Variants in NXPH1 observed in about 807,000 individuals in gnomAD.
NXPH1 encodes the protein neurexophilin 1.
A neutral mutation model predicts 23.7 loss-of-function variants in NXPH1; 5 were observed. That is an observed-to-expected ratio of 0.21 (90% CI 0.11 to 0.44). NXPH1 has a LOEUF of 0.44. NXPH1 is among the 20% of genes least tolerant of loss of function. The pLI is 0.99. For missense variants in NXPH1, 324 were observed against 321.6 expected, an observed-to-expected ratio of 1.01 and a Z score of -0.06; for synonymous variants, 144 against 122.2, an observed-to-expected ratio of 1.18 and a Z score of -1.18.
intron 2 of NXPH1, among the ~76,000 whole-genome samples, chr7:8,528,872 A>T (rs1817906813): frequency 6.6e-6 from 1 of 152,236 alleles, no homozygotes; most frequent in South Asian, 2.1e-4. Context: ...GTTTAAAACA[A>T]CACATATTTG....
intron 2 of NXPH1, among the ~76,000 whole-genome samples, chr7:8,446,728 G>A (rs918749189): frequency 4.0e-5 from 6 of 151,846 alleles, no homozygotes; most frequent in African/African-American, 1.5e-4. Flanking sequence ...TCTAAGAAAT[G>A]CCATAAATTC....
intron 2 of NXPH1, among the ~76,000 whole-genome samples, chr7:8,620,151 C>T (rs745662815): frequency 5.7e-5 from 8 of 139,614 alleles, no homozygotes; most frequent in Non-Finnish European, 9.2e-5. Flanking sequence ...CTGTGTACCT[C>T]GACATTGAAA....
At chr7:8,633,634 G>T (rs1583207288) in intron 2 of NXPH1, among the ~76,000 whole-genome samples, 1 of 152,052 alleles carries the variant, frequency 6.6e-6, no homozygotes, top group African/African-American at 2.4e-5. Flanking sequence ...CACTCAACAG[G>T]ATGTTTAGTA....
chr7:8,541,906 T>G (rs1248335267), intron 2 of NXPH1, among the ~76,000 whole-genome samples: 1 of 151,524 alleles, frequency 6.6e-6, no homozygotes, highest in Non-Finnish European at 1.5e-5. Context: ...AATATTTAGT[T>G]AATCCAAAAT....
chr7:8,499,137 G>A (rs1200133871), intron 2 of NXPH1, among the ~76,000 whole-genome samples: 4 of 152,036 alleles, frequency 2.6e-5, no homozygotes, highest in Non-Finnish European at 5.9e-5. Context: ...TTTGAGCTGT[G>A]CCAGTGGAGA....
At chr7:8,542,947 G>A (rs762601942) in intron 2 of NXPH1, among the ~76,000 whole-genome samples, 10 of 151,644 alleles carry the variant, frequency 6.6e-5, no homozygotes, top group South Asian at 2.1e-4. Context: ...AATGCATAGC[G>A]TAATTTTATT....
rs1418926716 is a variant in NXPH1, at chr7:8,519,503, G to C, written c.54+83736G>C. On this transcript the variant is annotated intron_variant, in intron 2 of 2. Transcript: ENST00000405863. ...TAAACTGAAGATACACTTAAACTAA[G>C]GGATTCCAAGGAAATAAAAGGACTA... Among the ~76,000 whole-genome samples the C allele has an allele frequency of 2.0e-5, 3 of 152,138 alleles. No homozygotes were observed. The East Asian group carries it at 5.8e-4, about 29-fold the overall frequency.
At chr7:8,639,479 T>C (rs948115049) in intron 2 of NXPH1, among the ~76,000 whole-genome samples, 1 of 152,198 alleles carries the variant, frequency 6.6e-6, no homozygotes, top group Admixed American at 6.5e-5. Flanking sequence ...AAAAAGGCTG[T>C]TTCTCTATAT....
chr7:8,605,376 C>T (rs1819462589), intron 2 of NXPH1, among the ~76,000 whole-genome samples: 1 of 152,114 alleles, frequency 6.6e-6, no homozygotes, highest in Non-Finnish European at 1.5e-5. Flanking sequence ...ACTGGGTAAT[C>T]ACAGTAAATA....
At chr7:8,519,774 C>T (rs981226650) in intron 2 of NXPH1, among the ~76,000 whole-genome samples, 3 of 152,020 alleles carry the variant, frequency 2.0e-5, no homozygotes, top group African/African-American at 7.2e-5. Context: ...CAAACAAAAG[C>T]TTATTGAATT....
chr7:8,559,498 T>C (rs1373216415), intron 2 of NXPH1, among the ~76,000 whole-genome samples: 1 of 151,702 alleles, frequency 6.6e-6, no homozygotes, highest in Non-Finnish European at 1.5e-5. Flanking sequence ...TTTTGGTTCC[T>C]ATTTTCTCCC....
At chr7:8,563,353 G>T (rs1818481266) in intron 2 of NXPH1, among the ~76,000 whole-genome samples, 1 of 151,746 alleles carries the variant, frequency 6.6e-6, no homozygotes, top group Admixed American at 6.6e-5. Flanking sequence ...CATTGTGTCT[G>T]AATTCTTAGA....
At chr7:8,440,027 GGC>G (rs1383817719) in intron 2 of NXPH1, among the ~76,000 whole-genome samples, 2 of 152,180 alleles carry the variant, frequency 1.3e-5, no homozygotes, top group African/African-American at 4.8e-5. Flanking sequence ...AGTTCTTGGA[GGC>G]AGTACTAAAA....
intron 2 of NXPH1, among the ~76,000 whole-genome samples, chr7:8,725,487 C>A (rs1314469484): frequency 1.3e-4 from 16 of 127,740 alleles, no homozygotes; most frequent in Non-Finnish European, 2.3e-4. Context: ...GAGATTCTGT[C>A]TCAAAAAAAA....
intron 2 of NXPH1, among the ~76,000 whole-genome samples, chr7:8,614,950 T>C (rs745360567): frequency 6.6e-5 from 10 of 152,046 alleles, no homozygotes; most frequent in Non-Finnish European, 1.3e-4. Flanking sequence ...TTTTAAATGG[T>C]GTTTGAGATT....
intron 2 of NXPH1, among the ~76,000 whole-genome samples, chr7:8,516,474 G>A (rs932729613): frequency 5.9e-5 from 9 of 152,114 alleles, no homozygotes; most frequent in African/African-American, 2.2e-4. Flanking sequence ...TTGCTGATTA[G>A]GAATTAAATT....
chr7:8,650,900 A>G (rs1820480267), intron 2 of NXPH1, among the ~76,000 whole-genome samples: 1 of 152,242 alleles, frequency 6.6e-6, no homozygotes, highest in South Asian at 2.1e-4. Flanking sequence ...TGGCATGAAT[A>G]AAATGTTGAA....
At chr7:8,620,092 T>A (rs1202469911) in intron 2 of NXPH1, among the ~76,000 whole-genome samples, 1 of 152,172 alleles carries the variant, frequency 6.6e-6, no homozygotes, top group Non-Finnish European at 1.5e-5. Context: ...TGACCTCTAG[T>A]CACAAGGATC....
chr7:8,661,868 T>A (rs193212907), intron 2 of NXPH1, among the ~76,000 whole-genome samples: 1 of 152,032 alleles, frequency 6.6e-6, no homozygotes, highest in African/African-American at 2.4e-5. Flanking sequence ...GTATGACTGA[T>A]ACATAAAATT....
Sources: gnomAD v4.1 joint callset for allele counts (sites outside exome capture counted in the v4.1 genomes callset) on GRCh38, gnomAD v4.1.1 for gene constraint, MANE v1.5 for transcripts, NCBI Gene and HGNC (gene_info 2026-07-23, HGNC 2026-07-21) for gene names.